Variants in CPEB3 observed in about 807,000 individuals in gnomAD.
The protein encoded by CPEB3 is cytoplasmic polyadenylation element binding protein 3, also known as cytoplasmic polyadenylation element-binding protein 3.
Under a neutral mutation model 67.2 loss-of-function variants are expected in CPEB3, and 20 were observed. The observed-to-expected ratio is 0.30, with a 90% CI of 0.21 to 0.43. CPEB3 has a LOEUF of 0.43. Among genes scored for constraint, CPEB3 ranks in the 20% least tolerant of loss-of-function variants. The pLI is 1.00. For missense variants in CPEB3, 746 were observed against 968.6 expected, an observed-to-expected ratio of 0.77 and a Z score of 3.05; for synonymous variants, 376 against 393.1, an observed-to-expected ratio of 0.96 and a Z score of 0.51.
At chr10:92,144,123 C>T (rs1004805904) in intron 5 of CPEB3, among the ~76,000 whole-genome samples, 1 of 152,058 alleles carries the variant, frequency 6.6e-6, no homozygotes, top group Non-Finnish European at 1.5e-5. Flanking sequence ...GACAACTTAC[C>T]GTGTGCTAAA....
chr10:92,132,535 C>T (rs1845891622), intron 6 of CPEB3, among the ~76,000 whole-genome samples: 2 of 151,918 alleles, frequency 1.3e-5, no homozygotes, highest in Admixed American at 1.3e-4. Context: ...AATAAATTTA[C>T]CTATATAAAA....
At chr10:92,291,215 C>A, upstream of CPEB3, 1 of 529,242 alleles carries the variant, frequency 1.9e-6, no homozygotes. Context: ...CGCCCGCGGT[C>A]CATGGACCGG....
intron 8 of CPEB3, among the ~76,000 whole-genome samples, chr10:92,091,267 A>G (rs920626305): frequency 2.0e-5 from 3 of 152,202 alleles, no homozygotes; most frequent in Admixed American, 1.3e-4. Context: ...AAAAACTTAG[A>G]TCTTAGAAAT....
chr10:92,104,282 T>C (rs1844329000), intron 7 of CPEB3, among the ~76,000 whole-genome samples: 1 of 152,202 alleles, frequency 6.6e-6, no homozygotes. Context: ...ACAAGTATTC[T>C]TCAGAACACA....
In CPEB3 at chr10:92,236,674, G is replaced by A. The variant is rs371016518; in HGVS notation, c.1005+2672C>T. Among the ~76,000 whole-genome samples, 15 of 152,194 alleles carry A rather than the reference G, an allele frequency of 9.9e-5. No homozygotes were observed. In the East Asian group the frequency reaches 2.1e-3, roughly 22 times the overall value. On this transcript the variant is annotated intron_variant, in intron 2 of 9. Coordinates refer to ENST00000265997, the MANE Select transcript of CPEB3 (RefSeq NM_014912.5). ...TGAGGCAGGAGAATTGCTTGAAACC[G>A]GGAGGCAGAGGTTGCAGTGAGCCGA...
In CPEB3 at chr10:92,052,138, AGCCCTGAGGCAGT is replaced by A; in HGVS notation, c.*61_*73del. On this transcript the variant is annotated 3_prime_UTR_variant, in exon 10 of 10. Coordinates refer to ENST00000265997, the MANE Select transcript of CPEB3 (RefSeq NM_014912.5). ...ATGCACAGATTTCCAGAACACTGTA[AGCCCTGAGGCAGT>A]GCCCTCTCTTTTCCCTCCTTGTTAT... 1 of 944,966 alleles carries A rather than the reference AGCCCTGAGGCAGT, an allele frequency of 1.1e-6. No homozygotes were observed. The highest frequency in any genetic ancestry group is 1.4e-5 in the South Asian group (1 of 69,502). The allele number at this position is 944,966 out of a possible 1,614,324, so 58.5% of individuals were successfully genotyped here. A position where few individuals can be genotyped will look rare whatever the true frequency, so the allele number is the denominator to read the frequency against.
intron 9 of CPEB3, among the ~76,000 whole-genome samples, chr10:92,071,750 A>AT (rs1173269434): frequency 4.6e-5 from 7 of 151,564 alleles, no homozygotes; most frequent in African/African-American, 1.2e-4. Context: ...AAAAAAAAAA[A>AT]TTTTTTTCTC....
At chr10:92,164,032 T>G (rs896443789) in intron 4 of CPEB3, among the ~76,000 whole-genome samples, 20 of 152,224 alleles carry the variant, frequency 1.3e-4, no homozygotes, top group East Asian at 1.9e-4. Context: ...TACTAATGAC[T>G]GATAAGCAAA....
chr10:92,079,402 G>T (rs1193281392), intron 9 of CPEB3, among the ~76,000 whole-genome samples: 1 of 152,128 alleles, frequency 6.6e-6, no homozygotes, highest in African/African-American at 2.4e-5. Context: ...AAAAGGGCAT[G>T]CTCAGATTGC....
At chr10:92,209,479 C>T (rs1003861719) in intron 2 of CPEB3, among the ~76,000 whole-genome samples, 2 of 151,772 alleles carry the variant, frequency 1.3e-5, no homozygotes, top group Non-Finnish European at 1.5e-5. Flanking sequence ...GAGCCAAGAT[C>T]GTGCCATTGC....
chr10:92,115,530 G>A (rs1273308387), intron 6 of CPEB3, among the ~76,000 whole-genome samples: 6 of 152,286 alleles, frequency 3.9e-5, no homozygotes, highest in Middle Eastern at 3.4e-3. Context: ...TAATTGGGCG[G>A]AAAAGAAAAA....
chr10:92,142,249 T>C (rs1338383795), intron 6 of CPEB3, among the ~76,000 whole-genome samples: 2 of 152,190 alleles, frequency 1.3e-5, no homozygotes, highest in Non-Finnish European at 2.9e-5. Flanking sequence ...TTCATCTTTT[T>C]GTGCTGAGTA....
At chr10:92,102,639 A>G (rs1003905808) in intron 7 of CPEB3, among the ~76,000 whole-genome samples, 2 of 152,242 alleles carry the variant, frequency 1.3e-5, no homozygotes, top group Admixed American at 6.5e-5. Flanking sequence ...TACAGCATGC[A>G]TAAACTGCCC....
intron 6 of CPEB3, among the ~76,000 whole-genome samples, chr10:92,123,524 TA>T: frequency 6.6e-6 from 1 of 152,314 alleles, no homozygotes; most frequent in Middle Eastern, 3.4e-3. Context: ...AACTGAGGCT[TA>T]AAGGTTAAAT....
intron 1 of CPEB3, among the ~76,000 whole-genome samples, chr10:92,257,165 G>C (rs1389601164): frequency 6.6e-6 from 1 of 152,180 alleles, no homozygotes. Context: ...CCTTTCTCCT[G>C]TTGGAGGATA....
At chr10:92,223,685 T>C (rs983456084) in intron 2 of CPEB3, among the ~76,000 whole-genome samples, 5 of 146,868 alleles carry the variant, frequency 3.4e-5, no homozygotes, top group Non-Finnish European at 7.5e-5. Flanking sequence ...GCTATTCTCC[T>C]GCCTCAGCCC....
At chr10:92,131,937 A>T (rs1845861731) in intron 6 of CPEB3, among the ~76,000 whole-genome samples, 2 of 152,346 alleles carry the variant, frequency 1.3e-5, no homozygotes, top group Non-Finnish European at 2.9e-5. Flanking sequence ...ATATGTAATT[A>T]AAATTTTTCC....
intron 4 of CPEB3, among the ~76,000 whole-genome samples, chr10:92,168,133 C>T (rs1418135220): frequency 6.6e-5 from 10 of 152,078 alleles, no homozygotes; most frequent in Non-Finnish European, 1.5e-4. Flanking sequence ...CAGTGAAGCA[C>T]AATAAAATGA....
chr10:92,139,761 T>G (rs1031238474), intron 6 of CPEB3, among the ~76,000 whole-genome samples: 1 of 152,170 alleles, frequency 6.6e-6, no homozygotes, highest in Admixed American at 6.5e-5. Context: ...GATGTGATTA[T>G]TACATACTGT....
Sources: gnomAD v4.1 joint callset for allele counts (sites outside exome capture counted in the v4.1 genomes callset) on GRCh38, gnomAD v4.1.1 for gene constraint, MANE v1.5 for transcripts, NCBI Gene and HGNC (gene_info 2026-07-23, HGNC 2026-07-21) for gene names.